Variants in TXNDC8 observed in about 807,000 individuals in gnomAD.
TXNDC8 encodes thioredoxin domain-containing protein 8.
A neutral mutation model predicts 12.9 loss-of-function variants in TXNDC8; 15 were observed. The ratio of observed to expected loss-of-function variants is 1.16; its 90% CI spans 0.78 to 1.79. The LOEUF (loss-of-function observed/expected upper bound fraction) is 1.79. TXNDC8 is among the 40% of genes most tolerant of loss of function. TXNDC8 has a pLI of 0.00. For missense variants in TXNDC8, 128 were observed against 113.2 expected (o/e 1.13, Z -0.59); for synonymous variants, 40 against 35.4 (o/e 1.13, Z -0.46).
intron 3 of TXNDC8, among the ~76,000 whole-genome samples, chr9:110,310,473 T>G (rs1259575967): frequency 2.6e-5 from 4 of 151,940 alleles, no homozygotes; most frequent in Non-Finnish European, 5.9e-5. Flanking sequence ...AAAAATAGAG[T>G]CTATGAATCT....
At chr9:110,305,588 TTC>T (rs1159817918) in intron 3 of TXNDC8, among the ~76,000 whole-genome samples, 2 of 139,416 alleles carry the variant, frequency 1.4e-5, no homozygotes. Flanking sequence ...CTTTCTTTCT[TTC>T]TTTCTTTCTT....
At chr9:110,330,999 G>A (rs1197343047) in intron 2 of TXNDC8, among the ~76,000 whole-genome samples, 1 of 151,806 alleles carries the variant, frequency 6.6e-6, no homozygotes, top group Non-Finnish European at 1.5e-5. Flanking sequence ...AAAATGTCTT[G>A]AATTCTTTCC....
At chr9:110,323,817 G>T in intron 3 of TXNDC8, 1 of 1,531,544 alleles carries the variant, frequency 6.5e-7, no homozygotes, top group South Asian at 1.2e-5. Flanking sequence ...AGCTGTAGTA[G>T]CTTCAGACTC....
At chr9:110,333,465 G>A (rs1839621353) in intron 2 of TXNDC8, among the ~76,000 whole-genome samples, 1 of 152,150 alleles carries the variant, frequency 6.6e-6, no homozygotes, top group African/African-American at 2.4e-5. Context: ...ACTGGTCCTG[G>A]TGTCAAAAAG....
chr9:110,320,793 C>G (rs946209234), intron 3 of TXNDC8, among the ~76,000 whole-genome samples: 8 of 152,238 alleles, frequency 5.3e-5, no homozygotes, highest in African/African-American at 1.7e-4. Flanking sequence ...GGTCCCCCAT[C>G]TGGAAGAAAC....
intron 3 of TXNDC8, chr9:110,323,016 C>G (rs539925351): frequency 2.0e-6 from 2 of 985,200 alleles, no homozygotes; most frequent in South Asian, 4.7e-5. Flanking sequence ...TATGGAGAAA[C>G]TTGAATGCCA....
chr9:110,336,701 G>T (rs1453108727), intron 1 of TXNDC8, among the ~76,000 whole-genome samples: 2 of 152,284 alleles, frequency 1.3e-5, no homozygotes, highest in Non-Finnish European at 2.9e-5. Context: ...AGAATGGGAA[G>T]CTTACTATAA....
intron 3 of TXNDC8, among the ~76,000 whole-genome samples, chr9:110,305,548 T>TTC (rs1164583672): frequency 6.3e-5 from 2 of 31,816 alleles, no homozygotes; most frequent in African/African-American, 2.7e-4. Flanking sequence ...TATTTTCTTT[T>TTC]TCTTTCTTTC....
chr9:110,326,140 C>T (rs1441435673), intron 3 of TXNDC8, 35 bp downstream of exon 4: 1 of 1,611,850 alleles, frequency 6.2e-7, no homozygotes, highest in East Asian at 2.2e-5. Context: ...GTTCTATAAT[C>T]TAATTCAACC....
intron 3 of TXNDC8, among the ~76,000 whole-genome samples, chr9:110,325,865 G>GA (rs1332369238): frequency 6.6e-6 from 1 of 152,120 alleles, no homozygotes; most frequent in African/African-American, 2.4e-5. Flanking sequence ...GTCTTTCTCT[G>GA]AAAAGAGTCT....
At chr9:110,304,262 C>T (rs953622820) in intron 4 of TXNDC8, among the ~76,000 whole-genome samples, 2 of 152,120 alleles carry the variant, frequency 1.3e-5, no homozygotes, top group African/African-American at 2.4e-5. Flanking sequence ...GTTGAGCCAC[C>T]AGGAATGGTG....
rs541634536 is a variant in TXNDC8 at position 110,323,070 on chromosome 9, G to A, written c.195+3105C>T. 8.2e-5 allele frequency: 81 copies of A among 985,392 alleles called. No individual in the cohort carries two copies. The South Asian group carries it at 3.4e-3, about 41-fold the overall frequency. 61.0% of individuals were successfully genotyped at this position (985,392 alleles called of 1,614,324 possible). A position where few individuals can be genotyped will look rare whatever the true frequency, so the allele number is the denominator to read the frequency against. On this transcript the variant is annotated intron_variant, in intron 3 of 4. Coordinates refer to ENST00000423740, the MANE Select transcript of TXNDC8 (RefSeq NM_001286946.2). ...TAGCCTTGATTCTATAGGCAATGGA[G>A]GGGGAGGACATCACATGTTAAAAAA... is the stretch of plus-strand genomic sequence containing the variant.
At chr9:110,318,655 G>A (rs1225074007) in intron 3 of TXNDC8, among the ~76,000 whole-genome samples, 5 of 151,992 alleles carry the variant, frequency 3.3e-5, no homozygotes, top group Admixed American at 2.0e-4. Flanking sequence ...GGAGAATGGC[G>A]TGAAGCCGGG....
At chr9:110,320,700 G>C (rs964608111) in intron 3 of TXNDC8, among the ~76,000 whole-genome samples, 1 of 152,160 alleles carries the variant, frequency 6.6e-6, no homozygotes, top group Admixed American at 6.5e-5. Flanking sequence ...TAGATTTTAA[G>C]AGGGTCTATA....
At chr9:110,324,480 T>C (rs531809309) in intron 3 of TXNDC8, among the ~76,000 whole-genome samples, 49 of 152,356 alleles carry the variant, frequency 3.2e-4, no homozygotes, top group African/African-American at 1.1e-3. Flanking sequence ...GCAGACATAA[T>C]CTTTACAAAG....
At chr9:110,305,084 G>A (rs1335718223) in intron 3 of TXNDC8, among the ~76,000 whole-genome samples, 2 of 142,652 alleles carry the variant, frequency 1.4e-5, no homozygotes, top group Non-Finnish European at 3.0e-5. Context: ...GGAGGTGGAG[G>A]TTGCAGTGAG....
At chr9:110,321,747 T>A (rs1415332864) in intron 3 of TXNDC8, among the ~76,000 whole-genome samples, 2 of 146,366 alleles carry the variant, frequency 1.4e-5, no homozygotes, top group Non-Finnish European at 3.0e-5. Context: ...AAAGGAAATT[T>A]ATAGGAACAT....
intron 3 of TXNDC8, among the ~76,000 whole-genome samples, chr9:110,309,768 CAG>C (rs1838595100): frequency 1.3e-5 from 2 of 152,300 alleles, no homozygotes; most frequent in South Asian, 4.1e-4. Flanking sequence ...AGAAACAACT[CAG>C]TGGTGTGGAG....
chr9:110,334,314 A>G lies in TXNDC8; in HGVS notation c.31T>C (p.Phe11Leu). 1 of 1,612,120 alleles carries G rather than the reference A, an allele frequency of 6.2e-7. No individual in the cohort carries two copies. The highest frequency in any genetic ancestry group is 8.5e-7 in the Non-Finnish European group (1 of 1,178,394). ...CCGGCAGCTGTCAAAAATGTTTTAA[A>G]TTCATTCTGAAAACAGAAAATAAAT... Residue 11 changes from phenylalanine to leucine, a missense_variant, in exon 2 of 5, where the codon TTT becomes CTT. Phe to Leu is a conservative substitution (Grantham distance 22). Transcript: ENST00000423740.
Sources: gnomAD v4.1 joint callset for allele counts (sites outside exome capture counted in the v4.1 genomes callset) on GRCh38, gnomAD v4.1.1 for gene constraint, MANE v1.5 for transcripts, NCBI Gene and HGNC (gene_info 2026-07-23, HGNC 2026-07-21) for gene names.